Variants in SAMSN1 observed in about 807,000 individuals in gnomAD.
The protein encoded by SAMSN1 is SAM domain, SH3 domain and nuclear localization signals 1.
Under a neutral mutation model 42.0 loss-of-function variants are expected in SAMSN1, and 31 were observed. The observed-to-expected ratio is 0.74, with a 90% CI of 0.55 to 1.00. The LOEUF is 1.00. Among genes scored for constraint, SAMSN1 ranks in the 50% least tolerant of loss-of-function variants. SAMSN1 has a pLI of 0.00. For synonymous variants in SAMSN1, 178 were observed against 151.9 expected, an observed-to-expected ratio of 1.17 and a Z score of -1.26; for missense variants, 464 against 439.4, an observed-to-expected ratio of 1.06 and a Z score of -0.50.
intron 2 of SAMSN1, among the ~76,000 whole-genome samples, chr21:14,617,456 G>A (rs73178487): frequency 6.6e-6 from 1 of 152,278 alleles, no homozygotes; most frequent in Non-Finnish European, 1.5e-5. Flanking sequence ...GAGGAAAGAG[G>A]ATGGCCATCC....
At chr21:14,585,957 A>G (rs1445732090), upstream of SAMSN1, among the ~76,000 whole-genome samples, 1 of 152,164 alleles carries the variant, frequency 6.6e-6, no homozygotes, top group Admixed American at 6.5e-5. Context: ...TGTATTAAAA[A>G]GAAAATGTAT....
intron 2 of SAMSN1, among the ~76,000 whole-genome samples, chr21:14,579,932 T>A (rs1229027607): frequency 6.6e-6 from 1 of 152,194 alleles, no homozygotes; most frequent in Non-Finnish European, 1.5e-5. Context: ...GCAGTGTAGA[T>A]ATCATTTAGC....
intron 1 of SAMSN1, among the ~76,000 whole-genome samples, chr21:14,643,993 G>A (rs1189344577): frequency 6.6e-6 from 1 of 152,090 alleles, no homozygotes; most frequent in Non-Finnish European, 1.5e-5. Flanking sequence ...TGGCCAGAAG[G>A]GAATCTCTGA....
At chr21:14,654,018 G>A (rs1413564105) in intron 1 of SAMSN1, among the ~76,000 whole-genome samples, 1 of 151,868 alleles carries the variant, frequency 6.6e-6, no homozygotes, top group Non-Finnish European at 1.5e-5. Context: ...ATGAAAAAAT[G>A]AATTTAAAAT....
At chr21:14,502,730 C>T (rs952019097) in intron 5 of SAMSN1, among the ~76,000 whole-genome samples, 4 of 152,174 alleles carry the variant, frequency 2.6e-5, no homozygotes, top group Non-Finnish European at 4.4e-5. Context: ...AAGACTTGAA[C>T]TTAGACATCA....
At chr21:14,624,158 C>T (rs1023027733) in intron 2 of SAMSN1, among the ~76,000 whole-genome samples, 2 of 152,082 alleles carry the variant, frequency 1.3e-5, no homozygotes, top group Non-Finnish European at 2.9e-5. Context: ...GCACTAAATG[C>T]CCACAAGAGA....
chr21:14,501,600 T>C (rs1271730840), intron 5 of SAMSN1, among the ~76,000 whole-genome samples: 2 of 152,218 alleles, frequency 1.3e-5, no homozygotes, highest in African/African-American at 2.4e-5. Context: ...TGTTACTCTA[T>C]ATATTTCTAG....
intron 2 of SAMSN1, among the ~76,000 whole-genome samples, chr21:14,554,647 G>C (rs1173832385): frequency 6.6e-6 from 1 of 151,602 alleles, no homozygotes; most frequent in Non-Finnish European, 1.5e-5. Flanking sequence ...TATGTAAATG[G>C]GTGGGCTTGT....
intron 7 of SAMSN1, among the ~76,000 whole-genome samples, chr21:14,492,274 G>T (rs1986725286): frequency 6.6e-6 from 1 of 152,170 alleles, no homozygotes; most frequent in Non-Finnish European, 1.5e-5. Context: ...ACACATGCAT[G>T]GTTAGCATAT....
chr21:14,492,387 G>A (rs558469551), intron 7 of SAMSN1, among the ~76,000 whole-genome samples: 5 of 152,164 alleles, frequency 3.3e-5, no homozygotes, highest in African/African-American at 1.2e-4. Context: ...TATAATAATA[G>A]AATACTGACT....
rs777990293 is a variant in SAMSN1 at position 14,612,864 on chromosome 21, G to A, written c.235+12C>T. The A allele has an allele frequency of 5.1e-5, 36 of 705,080 alleles. No homozygotes were observed. The South Asian group carries it at 5.2e-4, about 10-fold the overall frequency. 43.7% of individuals were successfully genotyped at this position (705,080 alleles called of 1,614,324 possible). On this transcript the variant is annotated intron_variant, in intron 4 of 15. Coordinates refer to the SAMSN1 transcript ENST00000647101. ...TACATCGTTTACACTTGTAACCTTAGGAATCACTAACCAAATATTTTATTT... is the reference window on the plus strand; with the variant it reads ...TACATCGTTTACACTTGTAACCTTAAGAATCACTAACCAAATATTTTATTT...
intron 2 of SAMSN1, among the ~76,000 whole-genome samples, chr21:14,617,555 G>A (rs1019249040): frequency 1.3e-5 from 2 of 152,214 alleles, no homozygotes; most frequent in African/African-American, 2.4e-5. Context: ...CTATGCAATC[G>A]GGACCAAATA....
At chr21:14,621,900 T>C (rs1426570972) in intron 2 of SAMSN1, among the ~76,000 whole-genome samples, 1 of 152,162 alleles carries the variant, frequency 6.6e-6, no homozygotes, top group Non-Finnish European at 1.5e-5. Context: ...ACACCCCACA[T>C]GGCTGGGTAC....
intron 5 of SAMSN1, 143 bp downstream of exon 5, chr21:14,510,167 C>A (rs1600875725): frequency 5.3e-6 from 4 of 752,066 alleles, no homozygotes; most frequent in African/African-American, 1.8e-5. Context: ...GAAAAAAAGT[C>A]TTAGTACTGT....
intron 1 of SAMSN1, among the ~76,000 whole-genome samples, chr21:14,648,910 C>G (rs1983771952): frequency 6.6e-6 from 1 of 151,658 alleles, no homozygotes; most frequent in East Asian, 2.0e-4. Context: ...CCCAGCCATC[C>G]CATTACTGGG....
Position 14,485,525 on chromosome 21 carries a change from C to G in SAMSN1, c.*387G>C, listed in dbSNP as rs12626593. On this transcript the variant is annotated 3_prime_UTR_variant, in exon 8 of 8. Transcript: ENST00000400566. ...GGACAACTTGTTTCAACAGCGAATC[C>G]TCTATTACTATTTGTTCAATAACAT... 16,144 of 161,940 alleles carry G rather than the reference C, an allele frequency of 0.1. 882 individuals carry two copies. Among genetic ancestry groups the G allele is most frequent in the East Asian group, 0.16 (880 of 5,594 alleles). 10.0% of individuals were successfully genotyped at this position (161,940 alleles called of 1,614,324 possible).
chr21:14,502,204 C>A (rs1987192605), intron 5 of SAMSN1, among the ~76,000 whole-genome samples: 1 of 152,112 alleles, frequency 6.6e-6, no homozygotes, highest in African/African-American at 2.4e-5. Flanking sequence ...CATGACTGAA[C>A]TAACTGGTCT....
chr21:14,581,907 C>A (rs918996765), intron 2 of SAMSN1, among the ~76,000 whole-genome samples: 1 of 152,062 alleles, frequency 6.6e-6, no homozygotes, highest in African/African-American at 2.4e-5. Context: ...AAAAAGAAAT[C>A]CCTGGAAAAA....
rs367667802 is a variant in SAMSN1 at position 14,513,583 on chromosome 21, G to A, written c.280-1010C>T. On this transcript the variant is annotated intron_variant, in intron 3 of 7. Coordinates refer to ENST00000400566, the MANE Select transcript of SAMSN1 (RefSeq NM_022136.5). ...GTCTAAACACAATAAGACAATTTCA[G>A]AGAATAGTAAGTGTTATGAAAGAAA... Among the ~76,000 whole-genome samples the A allele has an allele frequency of 7.9e-5, 12 of 152,228 alleles. No individual in the cohort carries two copies. In the South Asian group the frequency reaches 1.7e-3, roughly 21 times the overall value.
Sources: gnomAD v4.1 joint callset for allele counts (sites outside exome capture counted in the v4.1 genomes callset) on GRCh38, gnomAD v4.1.1 for gene constraint, MANE v1.5 for transcripts, NCBI Gene and HGNC (gene_info 2026-07-23, HGNC 2026-07-21) for gene names.